Variants in NFX1 observed in about 807,000 individuals in gnomAD.
The protein encoded by NFX1 is nuclear transcription factor, X-box binding 1.
Under a neutral mutation model 137.2 loss-of-function variants are expected in NFX1, and 69 were observed. The ratio of observed to expected loss-of-function variants is 0.50; its 90% CI spans 0.41 to 0.61. NFX1 has a LOEUF of 0.61. NFX1 is among the 20% of genes least tolerant of loss of function. The pLI, the probability that NFX1 is intolerant of heterozygous loss-of-function variation, is 0.00. For missense variants in NFX1, 1,167 were observed against 1,391.0 expected (o/e 0.84, Z 2.56); for synonymous variants, 495 against 474.1 (o/e 1.04, Z -0.57).
At position 33,290,537 on chromosome 9, in the gene NFX1, T is replaced by C. The variant is rs761317568; in HGVS notation, c.-36T>C. 6.2e-7 allele frequency: 1 copy of C among 1,613,538 alleles called. No homozygotes were observed. Among genetic ancestry groups the C allele is most frequent in the Non-Finnish European group, 8.5e-7 (1 of 1,179,704 alleles). Reference sequence around the variant, plus strand: ...ACGTGACCTGGTGACAGTGCTGACTTGGCTGTACAGCTCGATCTAGGTTCT... The same window carrying C: ...ACGTGACCTGGTGACAGTGCTGACTCGGCTGTACAGCTCGATCTAGGTTCT... On this transcript the variant is annotated 5_prime_UTR_variant, in exon 1 of 24. Coordinates refer to ENST00000379540, the MANE Select transcript of NFX1 (RefSeq NM_002504.6).
At chr9:33,322,496 G>A (rs527385713) in intron 9 of NFX1, among the ~76,000 whole-genome samples, 2 of 152,274 alleles carry the variant, frequency 1.3e-5, no homozygotes, top group East Asian at 3.9e-4. Flanking sequence ...CCAAGTTGAA[G>A]AGGCTGAAAT....
At chr9:33,326,878 G>T (rs1822613452) in intron 9 of NFX1, among the ~76,000 whole-genome samples, 1 of 152,166 alleles carries the variant, frequency 6.6e-6, no homozygotes, top group South Asian at 2.1e-4. Context: ...GAAGAATAGA[G>T]CTGTGTAAGG....
chr9:33,330,318 T>C (rs181670291), intron 10 of NFX1, among the ~76,000 whole-genome samples: 33 of 152,306 alleles, frequency 2.2e-4, no homozygotes, highest in African/African-American at 7.9e-4. Flanking sequence ...GACTTGCGAA[T>C]AATTCTGAGG....
intron 4 of NFX1, 43 bp from the exon 5 acceptor site, chr9:33,307,151 G>C: frequency 1.3e-6 from 2 of 1,512,056 alleles, no homozygotes; most frequent in Non-Finnish European, 1.8e-6. Flanking sequence ...TGAGAATGTG[G>C]TTGAAGTTTG....
Position 33,318,755 on chromosome 9 carries a change from GA to G in NFX1, c.1614del (p.Asp539MetfsTer8). 1.2e-6 allele frequency: 2 copies of G among 1,614,120 alleles called. No individual in the cohort carries two copies. The highest frequency in any genetic ancestry group is 1.7e-6 in the Non-Finnish European group (2 of 1,180,008). ...NQVCYCGSTSRDVLCGTDVGK... is the reference protein window; with the variant it reads ...NQVCYCGSTSXDVLCGTDVGK... ...GTATGCTATTGCGGCAGCACCTCCC[GA>G]GATGTGTTATGTGGAACCGATGTAG... On this transcript the variant is annotated frameshift_variant, in exon 8 of 24. Transcript: ENST00000379540. LOFTEE classifies it high-confidence loss of function.
At chr9:33,354,924 T>C in intron 19 of NFX1, 32 bp downstream of exon 19, 1 of 1,612,058 alleles carries the variant, frequency 6.2e-7, no homozygotes, top group South Asian at 1.1e-5. Context: ...TTTAATCTCC[T>C]TGCCCTTGAG....
chr9:33,368,502 T>C (rs923173384), intron 23 of NFX1, among the ~76,000 whole-genome samples: 1 of 152,126 alleles, frequency 6.6e-6, no homozygotes, highest in Non-Finnish European at 1.5e-5. Context: ...GAAACCAGAA[T>C]TGTGGGCTGA....
chr9:33,348,678 TA>T, intron 15 of NFX1: 2 of 915,954 alleles, frequency 2.2e-6, no homozygotes, highest in Non-Finnish European at 2.6e-6. Flanking sequence ...TTTCAATTTG[TA>T]AAAAATGTGA....
intron 6 of NFX1, among the ~76,000 whole-genome samples, chr9:33,312,266 GGTT>G (rs2118323218): frequency 6.6e-6 from 1 of 152,274 alleles, no homozygotes; most frequent in South Asian, 2.1e-4. Context: ...GTCACTTACT[GGTT>G]GTTGATTCTG....
Position 33,361,205 on chromosome 9 carries a change from A to C in NFX1, c.2874-2805A>C, listed in dbSNP as rs538693526. On this transcript the variant is annotated intron_variant, in intron 19 of 23. Transcript: ENST00000379540. ...ATTAAAATATGGGAACATAATTAGA[A>C]GACTATGAGCCATGAAGACAGTTAA... is the stretch of plus-strand genomic sequence containing the variant. Among the ~76,000 whole-genome samples the C allele has an allele frequency of 2.6e-5, 4 of 152,386 alleles. No individual in the cohort carries two copies. The South Asian group carries it at 8.3e-4, about 32-fold the overall frequency.
chr9:33,358,170 G>T (rs535279669), intron 19 of NFX1, among the ~76,000 whole-genome samples: 3 of 152,014 alleles, frequency 2.0e-5, no homozygotes, highest in African/African-American at 7.2e-5. Flanking sequence ...TGTTTCCCAG[G>T]CTGGAGTGCA....
In NFX1 at chr9:33,295,222, C is replaced by T; in HGVS notation, c.828C>T (p.Asn276=). The T allele has an allele frequency of 6.2e-7, 1 of 1,614,124 alleles. No homozygotes were observed. The highest frequency in any genetic ancestry group is 2.2e-5 in the East Asian group (1 of 44,886). ...GHRHTNAGHR[N]NMGPIPKDDL... ...GACATACAAACGCAGGACACAGAAA[C>T]AACATGGGCCCCATTCCAAAGGATG... Residue 276 remains asparagine (N), a synonymous_variant, in exon 2 of 24, where the codon AAC becomes AAT. Coordinates refer to ENST00000379540, the MANE Select transcript of NFX1 (RefSeq NM_002504.6).
At chr9:33,332,396 C>A in intron 10 of NFX1, 76 bp from the exon 11 acceptor site, 1 of 1,362,640 alleles carries the variant, frequency 7.3e-7, no homozygotes, top group Non-Finnish European at 1.0e-6. Context: ...ATTCTTGTTA[C>A]CTATGGCATT....
chr9:33,366,603 A>T lies in NFX1; in HGVS notation c.3040-26A>T, dbSNP rs746943126. The stretch of plus-strand genomic sequence containing the variant: ...TTTTGTTTTCAGAATGATATGATCA[A>T]TCAGTCATCTTTTCCCTCAATACAG... On this transcript the variant is annotated intron_variant, in intron 21 of 23. Transcript: ENST00000379540. 3 of 1,612,358 alleles carry T rather than the reference A, an allele frequency of 1.9e-6. No individual in the cohort carries two copies. In the South Asian group the frequency reaches 3.3e-5, roughly 18 times the overall value.
At chr9:33,369,514 C>G (rs892563429) in intron 23 of NFX1, among the ~76,000 whole-genome samples, 1 of 152,184 alleles carries the variant, frequency 6.6e-6, no homozygotes, top group Non-Finnish European at 1.5e-5. Context: ...TCATGTTTGT[C>G]CCACTATCAA....
At chr9:33,332,588 G>T (rs1055948382) in intron 11 of NFX1, 86 bp downstream of exon 11, 5 of 1,004,398 alleles carry the variant, frequency 5.0e-6, no homozygotes, top group Admixed American at 2.5e-5. Flanking sequence ...TTATGTATTT[G>T]TCAAAATTCA....
Position 33,306,119 on chromosome 9 carries a change from G to C in NFX1, c.1271-1075G>C, listed in dbSNP as rs368743704. ...GCAGGGAGGCTTTTGTGATAGTCTG[G>C]AGATGAGGTTTTGGCCAGTTAGAGA... On this transcript the variant is annotated intron_variant, in intron 4 of 23. Coordinates refer to ENST00000379540, the MANE Select transcript of NFX1 (RefSeq NM_002504.6). Among the ~76,000 whole-genome samples, 204 of 152,300 alleles carry C rather than the reference G, an allele frequency of 1.3e-3. 2 individuals are homozygous for C. Among genetic ancestry groups the C allele is most frequent in the Middle Eastern group, 6.8e-3 (2 of 294 alleles).
rs542158578 is a variant in NFX1, at chr9:33,315,140, G to A, written c.1588+1347G>A. Among the ~76,000 whole-genome samples the A allele has an allele frequency of 3.3e-5, 5 of 151,164 alleles. No homozygotes were observed. In the East Asian group the frequency reaches 9.8e-4, roughly 30 times the overall value. On this transcript the variant is annotated intron_variant, in intron 7 of 23. Transcript: ENST00000379540. ...ACTTGGAGGCTGAGGCAGGAGAATC[G>A]CTTGAACCTGGGAGGCGGAGGTTGC...
intron 6 of NFX1, among the ~76,000 whole-genome samples, chr9:33,312,413 C>T (rs1055314954): frequency 6.6e-6 from 1 of 152,164 alleles, no homozygotes; most frequent in Non-Finnish European, 1.5e-5. Flanking sequence ...GCCATTATGT[C>T]AAGTACTGCA....
Sources: gnomAD v4.1 joint callset for allele counts (sites outside exome capture counted in the v4.1 genomes callset) on GRCh38, gnomAD v4.1.1 for gene constraint, MANE v1.5 for transcripts, NCBI Gene and HGNC (gene_info 2026-07-23, HGNC 2026-07-21) for gene names.